NBEA: variants seen among roughly 807,000 people sequenced by gnomAD.
NBEA encodes lysosomal-trafficking regulator 2.
In NBEA, 44 loss-of-function variants were observed where a neutral mutation model predicts 343.4. That is an observed-to-expected ratio of 0.13 (90% CI 0.10 to 0.16). The LOEUF is 0.16. Ranked by LOEUF, NBEA falls within the 10% of genes least tolerant of loss-of-function variation. The probability of loss-of-function intolerance (pLI) is 1.00; values close to 1 mark genes in which losing one functional copy is unlikely to be tolerated. For synonymous variants in NBEA, 1,175 were observed against 1,238.7 expected, an observed-to-expected ratio of 0.95 and a Z score of 1.08; for missense variants, 2,555 against 3,631.3, an observed-to-expected ratio of 0.70 and a Z score of 7.62.
At chr13:35,552,505 A>C (rs2079377070) in intron 43 of NBEA, among the ~76,000 whole-genome samples, 1 of 152,220 alleles carries the variant, frequency 6.6e-6, no homozygotes, top group African/African-American at 2.4e-5. Flanking sequence ...AAATGAGGTT[A>C]GTTCTGCAAG....
rs34357028 is a variant in NBEA at position 35,441,831 on chromosome 13, G to GAA, written c.6304+9453_6304+9454dup. ...CTAGTAAACAAGGAATGCTAGATGT[G>GAA]AAAAAAAAAAAAAAAAGAAGACACT... On this transcript the variant is annotated intron_variant, in intron 39 of 58. Coordinates refer to ENST00000379939, the MANE Select transcript of NBEA (RefSeq NM_001385012.1). Among the ~76,000 whole-genome samples the GAA allele has an allele frequency of 3.0e-3, 365 of 120,020 alleles. 5 individuals are homozygous for GAA. Among genetic ancestry groups the GAA allele is most frequent in the African/African-American group, 0.011 (336 of 31,830 alleles). 78.7% of individuals were successfully genotyped at this position (120,020 alleles called of 152,430 possible). A position where few individuals can be genotyped will look rare whatever the true frequency, so the allele number is the denominator to read the frequency against.
chr13:34,988,972 A>G lies in NBEA; in HGVS notation c.294+45858A>G, dbSNP rs111255351. On this transcript the variant is annotated intron_variant, in intron 1 of 58. Coordinates refer to ENST00000379939, the MANE Select transcript of NBEA (RefSeq NM_001385012.1). ...TACTGATACTGGATTTAGGCCTTCT[A>G]TCTTACTACTATTTGTTGTTTCTTT... Among the ~76,000 whole-genome samples the G allele has an allele frequency of 7.3e-3, 1,110 of 151,032 alleles. 20 individuals carry two copies. Among genetic ancestry groups the G allele is most frequent in the African/African-American group, 0.025 (1,044 of 41,448 alleles).
At chr13:35,388,642 T>C (rs1303574424) in intron 38 of NBEA, among the ~76,000 whole-genome samples, 1 of 152,186 alleles carries the variant, frequency 6.6e-6, no homozygotes, top group African/African-American at 2.4e-5. Flanking sequence ...TTAGATCATT[T>C]TAAGACTGCT....
intron 55 of NBEA, among the ~76,000 whole-genome samples, chr13:35,657,244 C>T (rs1191858548): frequency 6.6e-6 from 1 of 152,180 alleles, no homozygotes; most frequent in South Asian, 2.1e-4. Context: ...GATGAAGAAA[C>T]TAGGTGTGTT....
intron 1 of NBEA, among the ~76,000 whole-genome samples, chr13:34,962,126 C>T (rs922720773): frequency 1.3e-5 from 2 of 151,954 alleles, no homozygotes; most frequent in African/African-American, 2.4e-5. Context: ...TGGCTTGTAT[C>T]TGTGACTTGC....
At chr13:35,534,355 C>T (rs1566279939) in intron 41 of NBEA, among the ~76,000 whole-genome samples, 2 of 152,182 alleles carry the variant, frequency 1.3e-5, no homozygotes, top group East Asian at 3.9e-4. Context: ...GTCAGACTTC[C>T]TCTACTTCCT....
At chr13:35,017,308 T>G (rs954644181) in intron 1 of NBEA, among the ~76,000 whole-genome samples, 3 of 152,238 alleles carry the variant, frequency 2.0e-5, no homozygotes, top group African/African-American at 7.2e-5. Flanking sequence ...AACCTATGTT[T>G]TCATTTCCGT....
intron 38 of NBEA, among the ~76,000 whole-genome samples, chr13:35,428,958 G>A (rs761602734): frequency 2.9e-4 from 44 of 152,208 alleles, no homozygotes; most frequent in East Asian, 5.8e-4. Context: ...CCAGTGAGTC[G>A]GAGGCTCTTC....
chr13:35,109,172 T>A, intron 11 of NBEA, 118 bp from the exon 12 acceptor site: 1 of 859,114 alleles, frequency 1.2e-6, no homozygotes, highest in Non-Finnish European at 1.6e-6. Flanking sequence ...AACAAATGTT[T>A]ATTTCATATT....
chr13:35,054,014 G>C (rs960229544), intron 6 of NBEA, among the ~76,000 whole-genome samples: 1 of 151,998 alleles, frequency 6.6e-6, no homozygotes, highest in Non-Finnish European at 1.5e-5. Flanking sequence ...ATCTGGAGTA[G>C]TAAGAACTCA....
intron 10 of NBEA, among the ~76,000 whole-genome samples, chr13:35,072,728 A>C (rs998982041): frequency 6.6e-6 from 1 of 151,544 alleles, no homozygotes; most frequent in Non-Finnish European, 1.5e-5. Flanking sequence ...TGCCCAGCTA[A>C]TTTTTTTTAT....
intron 34 of NBEA, chr13:35,251,301 C>A: frequency 2.7e-6 from 2 of 735,310 alleles, no homozygotes; most frequent in Non-Finnish European, 1.7e-6. Flanking sequence ...TGCCAGCATC[C>A]CTGTGCATCC....
chr13:35,593,523 A>G, intron 47 of NBEA, 76 bp downstream of exon 47: 2 of 1,145,170 alleles, frequency 1.7e-6, no homozygotes, highest in Non-Finnish European at 2.5e-6. Flanking sequence ...GTGGGTATGT[A>G]TAAGACATTT....
chr13:35,612,252 C>T lies in NBEA; in HGVS notation c.7449+5674C>T, dbSNP rs577258713. 5.3e-5 allele frequency among the ~76,000 whole-genome samples: 8 copies of T among 152,170 alleles called. No homozygotes were observed. The East Asian group carries it at 1.4e-3, about 26-fold the overall frequency. On this transcript the variant is annotated intron_variant, in intron 48 of 58. Coordinates refer to ENST00000379939, the MANE Select transcript of NBEA (RefSeq NM_001385012.1). Reference sequence around the variant, plus strand: ...GGTTCACGCCATTCTCCTGCCACAGCCTCCTGAGTAGCTGGGACTACAGGC... The same window carrying T: ...GGTTCACGCCATTCTCCTGCCACAGTCTCCTGAGTAGCTGGGACTACAGGC...
At chr13:35,173,670 C>T (rs749806360) in intron 27 of NBEA, 76 bp downstream of exon 27, 1 of 1,424,684 alleles carries the variant, frequency 7.0e-7, no homozygotes, top group Non-Finnish European at 9.6e-7. Flanking sequence ...GAACAAAGTG[C>T]CATGGTATTG....
At chr13:35,372,349 G>A (rs2041482178) in intron 38 of NBEA, among the ~76,000 whole-genome samples, 1 of 152,160 alleles carries the variant, frequency 6.6e-6, no homozygotes, top group African/African-American at 2.4e-5. Context: ...AATTGGGTGG[G>A]CCCATCCTTA....
intron 1 of NBEA, among the ~76,000 whole-genome samples, chr13:34,987,823 T>A (rs2152512897): frequency 6.6e-6 from 1 of 151,372 alleles, no homozygotes; most frequent in African/African-American, 2.4e-5. Context: ...ATAGTTCTCA[T>A]GCCATGCTTT....
chr13:35,200,388 A>G lies in NBEA; in HGVS notation c.5366+4086A>G, dbSNP rs186858087. Among the ~76,000 whole-genome samples, 208 of 149,966 alleles carry G rather than the reference A, an allele frequency of 1.4e-3. 2 individuals carry two copies. In the East Asian group the frequency reaches 0.029, roughly 21 times the overall value. ...TCTTTTGAGTGTTTGGTATATATAT[A>G]TATCTATGTTTTGGTTTAGTTTTAA... is the stretch of plus-strand genomic sequence containing the variant. On this transcript the variant is annotated intron_variant, in intron 31 of 58. Transcript: ENST00000379939.
intron 38 of NBEA, among the ~76,000 whole-genome samples, chr13:35,392,492 T>G (rs1254245327): frequency 6.6e-6 from 1 of 151,794 alleles, no homozygotes; most frequent in Non-Finnish European, 1.5e-5. Flanking sequence ...TTGTTTTTTT[T>G]TTTTGCCTTT....
Sources: gnomAD v4.1 joint callset for allele counts (sites outside exome capture counted in the v4.1 genomes callset) on GRCh38, gnomAD v4.1.1 for gene constraint, MANE v1.5 for transcripts, NCBI Gene and HGNC (gene_info 2026-07-23, HGNC 2026-07-21) for gene names.